GALNT9: variants seen among roughly 807,000 people sequenced by gnomAD.
GALNT9 encodes polypeptide N-acetylgalactosaminyltransferase 9, also known as GalNAc transferase 9.
Under a neutral mutation model 63.1 loss-of-function variants are expected in GALNT9, and 47 were observed. That is an observed-to-expected ratio of 0.75 (90% CI 0.59 to 0.95). The LOEUF is 0.95. Among genes scored for constraint, GALNT9 ranks in the 40% least tolerant of loss-of-function variants. GALNT9 has a pLI of 0.00. For missense variants in GALNT9, 829 were observed against 874.8 expected (o/e 0.95, Z 0.66); for synonymous variants, 396 against 365.7 (o/e 1.08, Z -0.94).
intron 1 of GALNT9, among the ~76,000 whole-genome samples, chr12:132,295,911 TCCGAACAGGGACGGC>T (rs1881044958): frequency 1.4e-5 from 1 of 71,056 alleles, no homozygotes; most frequent in Non-Finnish European, 2.8e-5. Context: ...AGGGAGAGCC[TCCGAACAGGGACGGC>T]CTCCGAACAG....
Position 132,324,723 on chromosome 12 carries a change from T to TC in GALNT9, c.238+4242dup, listed in dbSNP as rs1467741090. Among the ~76,000 whole-genome samples the TC allele has an allele frequency of 2.0e-5, 3 of 151,676 alleles. No homozygotes were observed. The South Asian group carries it at 6.3e-4, about 32-fold the overall frequency. On this transcript the variant is annotated intron_variant, in intron 1 of 10. Transcript: ENST00000328957. The stretch of plus-strand genomic sequence containing the variant: ...GCAAGTGTTGGGTGGCCTGGCATTC[T>TC]CCCCCCACCGCCCCTTTCTCACCCC...
At chr12:132,251,082 A>T (rs1878899148) in intron 5 of GALNT9, among the ~76,000 whole-genome samples, 1 of 152,236 alleles carries the variant, frequency 6.6e-6, no homozygotes, top group Admixed American at 6.5e-5. Flanking sequence ...ACGCACACTG[A>T]AACCTCGCCG....
chr12:132,294,832 T>G (rs1398040464), intron 1 of GALNT9, among the ~76,000 whole-genome samples: 1 of 152,244 alleles, frequency 6.6e-6, no homozygotes, highest in African/African-American at 2.4e-5. Flanking sequence ...TGATTTTGCC[T>G]GTGCGGAAGG....
At chr12:132,305,081 G>A (rs1593117232) in intron 1 of GALNT9, among the ~76,000 whole-genome samples, 1 of 75,258 alleles carries the variant, frequency 1.3e-5, no homozygotes, top group Non-Finnish European at 2.3e-5. Flanking sequence ...CCTCACCTGG[G>A]CACACCCTCA....
intron 1 of GALNT9, among the ~76,000 whole-genome samples, chr12:132,288,709 C>A (rs1317120826): frequency 1.3e-5 from 2 of 150,586 alleles, no homozygotes; most frequent in African/African-American, 2.5e-5. Flanking sequence ...GGTGGCTGAG[C>A]GTCGTTCTGG....
chr12:132,329,497 G>T lies in GALNT9; in HGVS notation c.-294C>A. ...GGTGAGGGGGGCCGGGGGCGCCGGGGGGCGGCGGGGAAGGCGCGGGCGGGC... is the reference window on the plus strand; with the variant it reads ...GGTGAGGGGGGCCGGGGGCGCCGGGTGGCGGCGGGGAAGGCGCGGGCGGGC... On this transcript the variant is annotated 5_prime_UTR_variant, in exon 1 of 11. Coordinates refer to ENST00000328957, the MANE Select transcript of GALNT9 (RefSeq NM_001122636.2). 1 of 158,078 alleles carries T rather than the reference G, an allele frequency of 6.3e-6. No individual in the cohort carries two copies. The highest frequency in any genetic ancestry group is 1.9e-4 in the South Asian group (1 of 5,232). 9.8% of individuals were successfully genotyped at this position (158,078 alleles called of 1,614,324 possible). A position where few individuals can be genotyped will look rare whatever the true frequency, so the allele number is the denominator to read the frequency against.
At chr12:132,216,015 G>A (rs970312308) in intron 6 of GALNT9, among the ~76,000 whole-genome samples, 12 of 152,090 alleles carry the variant, frequency 7.9e-5, no homozygotes, top group African/African-American at 1.9e-4. Context: ...AGACGGTGGC[G>A]GGGCACACAC....
intron 1 of GALNT9, among the ~76,000 whole-genome samples, chr12:132,309,665 A>G (rs1593119767): frequency 6.6e-6 from 1 of 152,206 alleles, no homozygotes; most frequent in East Asian, 1.9e-4. Flanking sequence ...CCTGCAGCAG[A>G]CCTAGGCCCC....
At chr12:132,207,220 TCC>T (rs1876748892) in intron 6 of GALNT9, among the ~76,000 whole-genome samples, 1 of 152,158 alleles carries the variant, frequency 6.6e-6, no homozygotes, top group Non-Finnish European at 1.5e-5. Flanking sequence ...CTGCTATCCG[TCC>T]CCGTCTCTGC....
intron 6 of GALNT9, among the ~76,000 whole-genome samples, chr12:132,211,740 G>A (rs1213232009): frequency 6.6e-6 from 1 of 152,182 alleles, no homozygotes; most frequent in Non-Finnish European, 1.5e-5. Flanking sequence ...TCCTTCAAGA[G>A]CATTTGTGGG....
At chr12:132,229,128 C>T (rs1469403693) in intron 6 of GALNT9, among the ~76,000 whole-genome samples, 3 of 152,216 alleles carry the variant, frequency 2.0e-5, no homozygotes, top group Non-Finnish European at 4.4e-5. Context: ...GCGGCAGAGC[C>T]TTTGCCCTTG....
intron 1 of GALNT9, among the ~76,000 whole-genome samples, chr12:132,302,418 G>A (rs1230859301): frequency 6.6e-6 from 1 of 152,186 alleles, no homozygotes; most frequent in Non-Finnish European, 1.5e-5. Flanking sequence ...ACTACGTCTT[G>A]AGTATTTCCC....
chr12:132,304,551 A>G (rs1449673450), intron 1 of GALNT9, among the ~76,000 whole-genome samples: 3 of 24,066 alleles, frequency 1.2e-4, no homozygotes, highest in African/African-American at 4.4e-4. Context: ...AGAATCGCCC[A>G]GACACACCCT....
intron 6 of GALNT9, among the ~76,000 whole-genome samples, chr12:132,217,301 CCAT>C (rs1403216813): frequency 7.3e-5 from 11 of 151,328 alleles, no homozygotes; most frequent in East Asian, 3.9e-4. Context: ...AGCCAGCCAG[CCAT>C]CAATCCATCC....
chr12:132,305,557 C>CG (rs1881571546), intron 1 of GALNT9, among the ~76,000 whole-genome samples: 1 of 147,976 alleles, frequency 6.8e-6, no homozygotes, highest in South Asian at 2.1e-4. Context: ...ACACCCTCAC[C>CG]GGGGCACACC....
chr12:132,218,274 G>A (rs1877300719), intron 6 of GALNT9, among the ~76,000 whole-genome samples: 1 of 152,168 alleles, frequency 6.6e-6, no homozygotes, highest in Non-Finnish European at 1.5e-5. Context: ...TCCCAGCCCA[G>A]GCCTCCAGGA....
intron 6 of GALNT9, among the ~76,000 whole-genome samples, chr12:132,213,944 A>C (rs1003562940): frequency 6.6e-6 from 1 of 152,126 alleles, no homozygotes; most frequent in African/African-American, 2.4e-5. Flanking sequence ...CCCACCCCCT[A>C]TGTCCGCACA....
intron 6 of GALNT9, among the ~76,000 whole-genome samples, chr12:132,228,997 G>A (rs1338899694): frequency 6.6e-6 from 1 of 152,222 alleles, no homozygotes; most frequent in Non-Finnish European, 1.5e-5. Context: ...GTGTGGACGG[G>A]TTAGACACGG....
intron 1 of GALNT9, among the ~76,000 whole-genome samples, chr12:132,303,507 GCCTGGGCACACCCTCA>G (rs1881406766): frequency 9.6e-5 from 2 of 20,892 alleles, no homozygotes; most frequent in Non-Finnish European, 2.3e-4. Flanking sequence ...ACACACCCTC[GCCTGGGCACACCCTCA>G]CCCGGGCACA....
Sources: allele counts gnomAD v4.1 joint callset (sites outside exome capture counted in the v4.1 genomes callset), GRCh38; gene constraint gnomAD v4.1.1; transcripts MANE v1.5; gene names NCBI Gene and HGNC (gene_info 2026-07-23, HGNC 2026-07-21).